BAK1: variants seen among roughly 807,000 people sequenced by gnomAD.
BAK1 encodes the protein BCL2 antagonist/killer 1.
BAK1 carries 19 observed loss-of-function variants against 24.7 expected under a neutral mutation model. The observed-to-expected ratio is 0.77, with a 90% CI of 0.54 to 1.13. BAK1 has a LOEUF of 1.13. BAK1 is among the 50% of genes most tolerant of loss of function. BAK1 has a pLI of 0.00. For synonymous variants in BAK1, 86 were observed against 107.3 expected (o/e 0.80, Z 1.23); for missense variants, 194 against 279.4 (o/e 0.69, Z 2.18).
chr6:33,574,340 G>A, intron 4 of BAK1, 126 bp from the exon 5 acceptor site: 1 of 1,442,006 alleles, frequency 6.9e-7, no homozygotes, highest in South Asian at 1.3e-5. Flanking sequence ...GGCCGCAGAG[G>A]CTGCCCCAAC....
At chr6:33,579,077 T>C (rs2151258158) in intron 1 of BAK1, among the ~76,000 whole-genome samples, 1 of 152,330 alleles carries the variant, frequency 6.6e-6, no homozygotes, top group East Asian at 1.9e-4. Context: ...CCTCCACCTC[T>C]AGGGGCAAGG....
At chr6:33,574,480 G>A (rs762195437) in intron 4 of BAK1, 23 of 1,480,248 alleles carry the variant, frequency 1.6e-5, no homozygotes, top group Non-Finnish European at 1.9e-5. Flanking sequence ...GGCAGAGCAA[G>A]TGGATGGAGT....
Position 33,575,894 on chromosome 6 carries a change from G to A in BAK1, c.105C>T (p.Phe35=). 6.2e-7 allele frequency: 1 copy of A among 1,614,146 alleles called. No individual in the cohort carries two copies. Among genetic ancestry groups the A allele is most frequent in the South Asian group, 1.1e-5 (1 of 91,076 alleles). The change falls in exon 3 of 6, where the codon TTC becomes TTT. Residue 35 remains phenylalanine (F), a synonymous_variant. Transcript: ENST00000374467. The surrounding 1 kb of genome is among the most constrained non-coding windows in gnomAD (Gnocchi z 6.3). ...EQVAQDTEEV[F]RSYVFYRHQQ... is the part of the protein sequence containing the mutation. ...GATGGCGGTAAAAAACGTAGCTGCGGAAAACCTCCTCTGTGTCCTGGGCTA... is the reference window on the plus strand; with the variant it reads ...GATGGCGGTAAAAAACGTAGCTGCGAAAAACCTCCTCTGTGTCCTGGGCTA...
At position 33,573,870 on chromosome 6, in the gene BAK1, T is replaced by G. The variant is rs775422894; in HGVS notation, c.569A>C (p.Asn190Thr). The change falls in exon 6 of 6, where the codon AAC becomes ACC. Residue 190 changes from asparagine to threonine, a missense_variant. By Grantham distance (65) the Asn-to-Thr change is moderately conservative. Coordinates refer to ENST00000374467, the MANE Select transcript of BAK1 (RefSeq NM_001188.4). ...AACCACACCCAGAACCACCAGCACGTTCAGGATGGGACCATTGCCCAAGTT... is the reference window on the plus strand; with the variant it reads ...AACCACACCCAGAACCACCAGCACGGTCAGGATGGGACCATTGCCCAAGTT... Reference protein sequence around the residue: ...ALNLGNGPILNVLVVLGVVLL... With the variant: ...ALNLGNGPILTVLVVLGVVLL... 3 of 1,614,108 alleles carry G rather than the reference T, an allele frequency of 1.9e-6. No homozygotes were observed. In the East Asian group the frequency reaches 6.7e-5, roughly 36 times the overall value.
At position 33,575,536 on chromosome 6, in the gene BAK1, G is replaced by A; in HGVS notation, c.207-95C>T. 3 of 1,532,188 alleles carry A rather than the reference G, an allele frequency of 2.0e-6. No individual in the cohort carries two copies. Among genetic ancestry groups the A allele is most frequent in the Non-Finnish European group, 2.7e-6 (3 of 1,116,240 alleles). The allele number at this position is 1,532,188 out of a possible 1,614,324, so 94.9% of individuals were successfully genotyped here. A position where few individuals can be genotyped will look rare whatever the true frequency, so the allele number is the denominator to read the frequency against. ...GAGGGGTTCTGCCTGAGCTGTCCATGGCCCTGTGCATCCCTTCTTGGAGGT... is the reference window on the plus strand; with the variant it reads ...GAGGGGTTCTGCCTGAGCTGTCCATAGCCCTGTGCATCCCTTCTTGGAGGT... On this transcript the variant is annotated intron_variant, in intron 3 of 5. Transcript: ENST00000374467. The surrounding 1 kb of genome is among the most constrained non-coding windows in gnomAD (Gnocchi z 6.3).
rs1392055615 is a variant in BAK1 at position 33,580,111 on chromosome 6, G to C, written c.-118C>G. The C allele has an allele frequency of 1.3e-5, 2 of 152,380 alleles. No homozygotes were observed. Among genetic ancestry groups the C allele is most frequent in the Non-Finnish European group, 2.9e-5 (2 of 68,084 alleles). 9.4% of individuals were successfully genotyped at this position (152,380 alleles called of 1,614,324 possible). A position where few individuals can be genotyped will look rare whatever the true frequency, so the allele number is the denominator to read the frequency against. On this transcript the variant is annotated 5_prime_UTR_variant, in exon 1 of 6. An upstream open reading frame in the 5' UTR gains an earlier in-frame stop. Coordinates refer to ENST00000374467, the MANE Select transcript of BAK1 (RefSeq NM_001188.4). The stretch of plus-strand genomic sequence containing the variant: ...CTGGCGGCTGCTGCTCCCAGGGGCT[G>C]AGTGGGAGCCCAGTTTCCAGGAATG...
At position 33,574,092 on chromosome 6, in the gene BAK1, A is replaced by C. The variant is rs1762804453; in HGVS notation, c.473T>G (p.Val158Gly). 1 of 1,614,088 alleles carries C rather than the reference A, an allele frequency of 6.2e-7. No homozygotes were observed. Among genetic ancestry groups the C allele is most frequent in the South Asian group, 1.1e-5 (1 of 91,088 alleles). Residue 158 changes from valine (V) to glycine (G), a missense_variant, in exon 5 of 6, where the codon GTG becomes GGG. Val to Gly is a moderately radical substitution (Grantham distance 109). Transcript: ENST00000374467. ...GCAGTGATGCAGCATGAAGTCGACC[A>C]CGAAGCGGGTCACCTGGCCTAGGAA... ...TGFLGQVTRF[V>G]VDFMLHHCIA...
chr6:33,573,242 G>A lies in BAK1; in HGVS notation c.*561C>T, dbSNP rs1191264858. 1 of 153,454 alleles carries A rather than the reference G, an allele frequency of 6.5e-6. No individual in the cohort carries two copies. The highest frequency in any genetic ancestry group is 1.5e-5 in the Non-Finnish European group (1 of 68,838). The allele number at this position is 153,454 out of a possible 1,614,324, so 9.5% of individuals were successfully genotyped here. On this transcript the variant is annotated 3_prime_UTR_variant, in exon 6 of 6. Coordinates refer to ENST00000374467, the MANE Select transcript of BAK1 (RefSeq NM_001188.4). The stretch of plus-strand genomic sequence containing the variant: ...CAGGGGTAGAGTTGAGCAGGACCTT[G>A]GCCCCCCTCTCCTAGTAGGTCCTGC...
chr6:33,575,209 T>C lies in BAK1; in HGVS notation c.350+89A>G. 1.3e-6 allele frequency: 2 copies of C among 1,581,352 alleles called. No individual in the cohort carries two copies. The highest frequency in any genetic ancestry group is 1.7e-6 in the Non-Finnish European group (2 of 1,151,098). On this transcript the variant is annotated intron_variant, in intron 4 of 5. Transcript: ENST00000374467. This position sits in a 1 kb window ranked among gnomAD's most constrained non-coding sequence, Gnocchi z 6.3. ...GACACTGACAGAAGGCTTCTCCCCA[T>C]GCCAGGAGAGCATCATGCAGGCAGG...
rs746743686 is a variant in BAK1 at position 33,575,965 on chromosome 6, G to A, written c.71-37C>T. 6 of 1,612,658 alleles carry A rather than the reference G, an allele frequency of 3.7e-6. No homozygotes were observed. The highest frequency in any genetic ancestry group is 1.7e-5 in the Admixed American group (1 of 59,894). On this transcript the variant is annotated intron_variant, in intron 2 of 5. Coordinates refer to ENST00000374467, the MANE Select transcript of BAK1 (RefSeq NM_001188.4). The surrounding 1 kb of genome is among the most constrained non-coding windows in gnomAD (Gnocchi z 6.3). ...AGCTGGGAGTCAGGGAGAGAGGGCC[G>A]AACCCTGGCAGCCCCATGCCTTATA...
chr6:33,577,676 A>T lies in BAK1; in HGVS notation c.-31-41T>A. The T allele has an allele frequency of 7.2e-7, 1 of 1,379,930 alleles. No homozygotes were observed. The highest frequency in any genetic ancestry group is 9.9e-7 in the Non-Finnish European group (1 of 1,008,936). 85.5% of individuals were successfully genotyped at this position (1,379,930 alleles called of 1,614,324 possible). A position where few individuals can be genotyped will look rare whatever the true frequency, so the allele number is the denominator to read the frequency against. ...AGAAAAAGCAGAGATGGGGGTGAGC[A>T]CAGACCTGTGACTGGGGACCCCATA... On this transcript the variant is annotated intron_variant, in intron 1 of 5. Coordinates refer to ENST00000374467, the MANE Select transcript of BAK1 (RefSeq NM_001188.4). The surrounding 1 kb of genome is among the most constrained non-coding windows in gnomAD (Gnocchi z 4.6).
rs2151257568 is a variant in BAK1, at chr6:33,578,018, G to C, written c.-31-383C>G. 6.6e-6 allele frequency among the ~76,000 whole-genome samples: 1 copy of C among 152,294 alleles called. No individual in the cohort carries two copies. Among genetic ancestry groups the C allele is most frequent in the East Asian group, 1.9e-4 (1 of 5,186 alleles). On this transcript the variant is annotated intron_variant, in intron 1 of 5. Transcript: ENST00000374467. This position sits in a 1 kb window ranked among gnomAD's most constrained non-coding sequence, Gnocchi z 4.8. ...TATCTGCACCATCGAGGAGGGTGTG[G>C]CTGCAGCAGTGCCCGCTGGCTCTCA...
chr6:33,576,401 C>T (rs1202595069), intron 2 of BAK1, among the ~76,000 whole-genome samples: 6 of 149,922 alleles, frequency 4.0e-5, no homozygotes, highest in South Asian at 2.1e-4. Flanking sequence ...GAGGCCAAGG[C>T]GGGCGGATCA....
At position 33,577,656 on chromosome 6, in the gene BAK1, AAGC is replaced by A. The variant is rs1261856555; in HGVS notation, c.-31-24_-31-22del. 6.7e-7 allele frequency: 1 copy of A among 1,484,840 alleles called. No homozygotes were observed. The highest frequency in any genetic ancestry group is 9.1e-7 in the Non-Finnish European group (1 of 1,092,962). 92.0% of individuals were successfully genotyped at this position (1,484,840 alleles called of 1,614,324 possible). On this transcript the variant is annotated intron_variant, in intron 1 of 5. Transcript: ENST00000374467. The surrounding 1 kb of genome is among the most constrained non-coding windows in gnomAD (Gnocchi z 4.6). The stretch of plus-strand genomic sequence containing the variant: ...TCAGCCTGCGGGGAAGGGCGAGAAA[AAGC>A]AGAGATGGGGGTGAGCACAGACCTG...
chr6:33,579,889 C>G (rs1762907989), intron 1 of BAK1, 136 bp downstream of exon 1: 1 of 152,352 alleles, frequency 6.6e-6, no homozygotes, highest in Non-Finnish European at 1.5e-5. Flanking sequence ...GATCAGGTCC[C>G]CAGCCGGGGC....
In BAK1 at chr6:33,577,404, G is replaced by T; in HGVS notation, c.70+131C>A. ...CAGCAGCTCCAGCCTCTGAGCCCGT[G>T]GGTGGGGAAGAGTATTCCCCACCCA... On this transcript the variant is annotated intron_variant, in intron 2 of 5. Transcript: ENST00000374467. This position sits in a 1 kb window ranked among gnomAD's most constrained non-coding sequence, Gnocchi z 4.6. The T allele has an allele frequency of 1.2e-6, 1 of 867,788 alleles. No individual in the cohort carries two copies. The highest frequency in any genetic ancestry group is 1.7e-6 in the Non-Finnish European group (1 of 588,628). The allele number at this position is 867,788 out of a possible 1,614,324, so 53.8% of individuals were successfully genotyped here. A position where few individuals can be genotyped will look rare whatever the true frequency, so the allele number is the denominator to read the frequency against.
rs1449757286 is a variant in BAK1 at position 33,575,806 on chromosome 6, G to A, written c.193C>T (p.Leu65=). Residue 65 remains leucine (L), a synonymous_variant, in exon 3 of 6, where the codon CTG becomes TTG. Transcript: ENST00000374467. The surrounding 1 kb of genome is among the most constrained non-coding windows in gnomAD (Gnocchi z 6.3). The part of the protein sequence containing the change: ...PADPEMVTLP[L]QPSSTMGQVG... ...GTTGTAGCTCACCTGCTAGGTTGCA[G>A]AGGTAAGGTGACCATCTCTGGGTCG... is the stretch of plus-strand genomic sequence containing the variant. 5 of 1,612,974 alleles carry A rather than the reference G, an allele frequency of 3.1e-6. No homozygotes were observed. The Admixed American group carries it at 6.7e-5, about 22-fold the overall frequency.
In BAK1 at chr6:33,574,115, G is replaced by A; in HGVS notation, c.450C>T (p.Phe150=). The change falls in exon 5 of 6, where the codon TTC becomes TTT. Residue 150 remains phenylalanine (F), a synonymous_variant. Coordinates refer to ENST00000374467, the MANE Select transcript of BAK1 (RefSeq NM_001188.4). ...LHVYQHGLTG[F]LGQVTRFVVD... ...CCACGAAGCGGGTCACCTGGCCTAG[G>A]AAGCCAGTCAGGCCATGCTGGTAGA... The A allele has an allele frequency of 1.2e-6, 2 of 1,614,178 alleles. No individual in the cohort carries two copies. The highest frequency in any genetic ancestry group is 8.5e-7 in the Non-Finnish European group (1 of 1,180,032).
rs1762797489 is a variant in BAK1, at chr6:33,573,679, T to G, written c.*124A>C. ...ACGCAGGGGCCCTCCGAAGCTGGAGTGCACACTTGCTAAAGCTTCTGTACT... is the reference window on the plus strand; with the variant it reads ...ACGCAGGGGCCCTCCGAAGCTGGAGGGCACACTTGCTAAAGCTTCTGTACT... On this transcript the variant is annotated 3_prime_UTR_variant, in exon 6 of 6. Coordinates refer to ENST00000374467, the MANE Select transcript of BAK1 (RefSeq NM_001188.4). 1.3e-6 allele frequency: 1 copy of G among 788,420 alleles called. No individual in the cohort carries two copies. Among genetic ancestry groups the G allele is most frequent in the Non-Finnish European group, 2.1e-6 (1 of 482,168 alleles). 48.8% of individuals were successfully genotyped at this position (788,420 alleles called of 1,614,324 possible). A position where few individuals can be genotyped will look rare whatever the true frequency, so the allele number is the denominator to read the frequency against.
Sources: gnomAD v4.1 joint callset for allele counts (sites outside exome capture counted in the v4.1 genomes callset) on GRCh38, gnomAD v4.1.1 for gene constraint, Gnocchi (gnomAD v3.1) non-coding constraint, MANE v1.5 for transcripts, NCBI Gene and HGNC (gene_info 2026-07-23, HGNC 2026-07-21) for gene names.